The following RIOK1 variants were observed in gnomAD, a reference collection of about 807,000 sequenced individuals.
RIOK1 encodes the protein serine/threonine-protein kinase RIO1.
In RIOK1, 66 loss-of-function variants were observed where a neutral mutation model predicts 73.5. The ratio of observed to expected loss-of-function variants is 0.90; its 90% CI spans 0.74 to 1.10. The LOEUF (loss-of-function observed/expected upper bound fraction) is 1.10, where lower values mean the gene tolerates loss of function less well. Among genes scored for constraint, RIOK1 ranks in the 50% least tolerant of loss-of-function variants. The pLI, the probability that RIOK1 is intolerant of heterozygous loss-of-function variation, is 0.00. For missense variants in RIOK1, 658 were observed against 699.8 expected, an observed-to-expected ratio of 0.94 and a Z score of 0.67; for synonymous variants, 224 against 226.8, an observed-to-expected ratio of 0.99 and a Z score of 0.11.
intron 1 of RIOK1, among the ~76,000 whole-genome samples, chr6:7,392,651 C>T (rs1009648782): frequency 6.6e-6 from 1 of 152,024 alleles, no homozygotes. Context: ...TCCCGAGTAG[C>T]TGGGATCAAA....
At chr6:7,409,054 G>A (rs943052896) in intron 12 of RIOK1, among the ~76,000 whole-genome samples, 17 of 141,300 alleles carry the variant, frequency 1.2e-4, no homozygotes, top group Non-Finnish European at 2.0e-4. Context: ...ACGGAGTTTC[G>A]CTCTTGTCAC....
intron 12 of RIOK1, among the ~76,000 whole-genome samples, chr6:7,407,347 G>A (rs1761772609): frequency 6.6e-6 from 1 of 151,992 alleles, no homozygotes. Context: ...TTTTTGTTTT[G>A]TTTTGACAAT....
chr6:7,413,804 T>G (rs72822914), intron 15 of RIOK1, among the ~76,000 whole-genome samples: 78 of 152,374 alleles, frequency 5.1e-4, no homozygotes, highest in Non-Finnish European at 9.8e-4. Flanking sequence ...AAAATTTCTC[T>G]TCTTCACATA....
In RIOK1 at chr6:7,398,702, C is replaced by T. The variant is rs764939182; in HGVS notation, c.442C>T (p.Arg148Cys). The change falls in exon 5 of 17, where the codon CGC becomes TGC. Residue 148 changes from arginine (R) to cysteine (C), a missense_variant. Transcript: ENST00000379834. ...TACGTTTTTGTTTTTGGTTAGGTATCGCATCAAAGATAAGGCAGACAGAGC... is the reference window on the plus strand; with the variant it reads ...TACGTTTTTGTTTTTGGTTAGGTATTGCATCAAAGATAAGGCAGACAGAGC... ...KSRQKEADMY[R>C]IKDKADRATV... 4.4e-5 allele frequency: 71 copies of T among 1,612,086 alleles called. No homozygotes were observed. The highest frequency in any genetic ancestry group is 5.7e-5 in the Non-Finnish European group (67 of 1,178,838).
At position 7,402,797 on chromosome 6, in the gene RIOK1, A is replaced by G. The variant is rs752719002; in HGVS notation, c.687-20A>G. On this transcript the variant is annotated intron_variant, in intron 7 of 16. Coordinates refer to ENST00000379834, the MANE Select transcript of RIOK1 (RefSeq NM_031480.3). ...ATAATAATGGAATGATTGAAATAAT[A>G]AACATTTTTCTTATTCAAGATTTCG... The G allele has an allele frequency of 2.4e-5, 38 of 1,606,362 alleles. No homozygotes were observed. The South Asian group carries it at 4.2e-4, about 18-fold the overall frequency.
rs1039539247 is a variant in RIOK1 at position 7,396,894 on chromosome 6, T to C, written c.437+122T>C. On this transcript the variant is annotated intron_variant, in intron 4 of 16. Coordinates refer to ENST00000379834, the MANE Select transcript of RIOK1 (RefSeq NM_031480.3). ...ATACTTAAACCAATCATTATTTTGG[T>C]GTGTGTGTGTGTGTGTGTGTGTGTG... The C allele has an allele frequency of 2.5e-4, 99 of 402,710 alleles. No homozygotes were observed. The Admixed American group carries it at 3.8e-3, about 15-fold the overall frequency. The allele number at this position is 402,710 out of a possible 1,614,324, so 24.9% of individuals were successfully genotyped here.
intron 1 of RIOK1, among the ~76,000 whole-genome samples, chr6:7,390,668 C>T (rs1188932568): frequency 6.6e-6 from 1 of 152,148 alleles, no homozygotes. Context: ...AGAGCAAAGG[C>T]CCCGAGGCCA....
intron 6 of RIOK1, 62 bp from the exon 7 acceptor site, chr6:7,402,541 T>C (rs1359947698): frequency 8.1e-7 from 1 of 1,233,680 alleles, no homozygotes; most frequent in East Asian, 2.4e-5. Flanking sequence ...TAGAATCAAA[T>C]AGATTGAAAA....
chr6:7,416,230 A>G (rs891567700), intron 16 of RIOK1, among the ~76,000 whole-genome samples: 4 of 152,240 alleles, frequency 2.6e-5, no homozygotes, highest in Non-Finnish European at 4.4e-5. Flanking sequence ...GTCTACTAGA[A>G]ACACATATTT....
At chr6:7,395,207 TA>T in intron 3 of RIOK1, 64 bp downstream of exon 3, 1 of 1,525,882 alleles carries the variant, frequency 6.6e-7, no homozygotes, top group Non-Finnish European at 8.9e-7. Context: ...GAGTGTTGTA[TA>T]ATTTTATTAG....
chr6:7,392,800 A>G (rs1342160268), intron 1 of RIOK1: 1 of 321,532 alleles, frequency 3.1e-6, no homozygotes, highest in Non-Finnish European at 4.5e-6. Context: ...TGAGTTGTTT[A>G]TTCAGCAGAG....
At chr6:7,391,612 T>C (rs1415450856) in intron 1 of RIOK1, among the ~76,000 whole-genome samples, 3 of 152,200 alleles carry the variant, frequency 2.0e-5, no homozygotes, top group Non-Finnish European at 2.9e-5. Flanking sequence ...GATACACCAG[T>C]GATTTTCCAT....
intron 3 of RIOK1, among the ~76,000 whole-genome samples, chr6:7,395,368 C>G (rs929125237): frequency 1.3e-5 from 2 of 152,086 alleles, no homozygotes; most frequent in Non-Finnish European, 1.5e-5. Flanking sequence ...ACAAAATTAG[C>G]TGGGCGTGGT....
chr6:7,413,984 T>C (rs1279649427), intron 15 of RIOK1, among the ~76,000 whole-genome samples: 1 of 152,192 alleles, frequency 6.6e-6, no homozygotes, highest in East Asian at 1.9e-4. Flanking sequence ...AACAGCTCTG[T>C]TGTTGATCTA....
chr6:7,403,329 T>G (rs927763597), intron 8 of RIOK1, among the ~76,000 whole-genome samples: 1 of 152,252 alleles, frequency 6.6e-6, no homozygotes, highest in African/African-American at 2.4e-5. Context: ...CGTGAACTCT[T>G]TGTTTATCAT....
intron 6 of RIOK1, among the ~76,000 whole-genome samples, chr6:7,401,828 A>G (rs1005639692): frequency 6.6e-6 from 1 of 151,260 alleles, no homozygotes; most frequent in African/African-American, 2.4e-5. Context: ...ACAGGCGTGC[A>G]CCACCACACT....
In RIOK1 at chr6:7,412,921, A is replaced by G. The variant is rs943919004; in HGVS notation, c.1422A>G (p.Lys474=). ...ACCAGACTGTTACAGGATTGAAGAA[A>G]GATTTGTCAGGAGTTCAGAAGGTAT... ...ILYQTVTGLK[K]DLSGVQKVPA... Residue 474 remains lysine (K), a synonymous_variant, in exon 15 of 17, where the codon AAA becomes AAG. Coordinates refer to ENST00000379834, the MANE Select transcript of RIOK1 (RefSeq NM_031480.3). 8.3e-6 allele frequency: 13 copies of G among 1,561,870 alleles called. No individual in the cohort carries two copies. Among genetic ancestry groups the G allele is most frequent in the Non-Finnish European group, 9.5e-6 (11 of 1,158,666 alleles).
At chr6:7,410,118 AAGT>A (rs1395601746) in intron 12 of RIOK1, among the ~76,000 whole-genome samples, 5 of 152,276 alleles carry the variant, frequency 3.3e-5, no homozygotes, top group African/African-American at 7.2e-5. Context: ...AATTTAGTAA[AAGT>A]AGCATAACTT....
At position 7,403,814 on chromosome 6, in the gene RIOK1, ATAATACATT is replaced by A. The variant is rs1761671082; in HGVS notation, c.768-125_768-117del. ...ATAATCTTAGAGTTTATGAAATATT[ATAATACATT>A]TGAGAGGCCTTGGTGCTATTTCTTA... On this transcript the variant is annotated intron_variant, in intron 8 of 16. Transcript: ENST00000379834. The A allele has an allele frequency of 5.0e-6, 3 of 601,552 alleles. No homozygotes were observed. The Admixed American group carries it at 7.5e-5, about 15-fold the overall frequency. The allele number at this position is 601,552 out of a possible 1,614,324, so 37.3% of individuals were successfully genotyped here. A position where few individuals can be genotyped will look rare whatever the true frequency, so the allele number is the denominator to read the frequency against.
Sources: gnomAD v4.1 joint callset for allele counts (sites outside exome capture counted in the v4.1 genomes callset) on GRCh38, gnomAD v4.1.1 for gene constraint, MANE v1.5 for transcripts, NCBI Gene and HGNC (gene_info 2026-07-23, HGNC 2026-07-21) for gene names.